The following OMA1 variants were observed in gnomAD, a reference collection of about 807,000 sequenced individuals.
OMA1 encodes OMA1 zinc metallopeptidase.
OMA1 carries 38 observed loss-of-function variants against 30.9 expected under a neutral mutation model. The ratio of observed to expected loss-of-function variants is 1.23; its 90% CI spans 0.95 to 1.61. The LOEUF (loss-of-function observed/expected upper bound fraction) is 1.61, where lower values mean the gene tolerates loss of function less well. Among genes scored for constraint, OMA1 ranks in the 40% most tolerant of loss-of-function variants. The pLI is 0.00. For synonymous variants in OMA1, 173 were observed against 121.9 expected (o/e 1.42, Z -2.76); for missense variants, 461 against 349.2 (o/e 1.32, Z -2.55).
chr1:58,541,108 G>A (rs865847510), intron 1 of OMA1, among the ~76,000 whole-genome samples: 3 of 4,412 alleles, frequency 6.8e-4, no homozygotes, highest in East Asian at 0.023. Flanking sequence ...TCAGGCATTC[G>A]AGGCGTGAAA....
chr1:58,508,762 G>T (rs1646028219), intron 7 of OMA1, among the ~76,000 whole-genome samples: 1 of 152,084 alleles, frequency 6.6e-6, no homozygotes, highest in African/African-American at 2.4e-5. Flanking sequence ...AAGCACACAA[G>T]CAGTTGCCAT....
At chr1:58,524,234 A>G (rs1557452938) in intron 7 of OMA1, among the ~76,000 whole-genome samples, 1 of 152,192 alleles carries the variant, frequency 6.6e-6, no homozygotes, top group East Asian at 1.9e-4. Flanking sequence ...ATCTGCATTA[A>G]AAACCTGTTC....
intron 8 of OMA1, among the ~76,000 whole-genome samples, chr1:58,496,341 T>A (rs1349858112): frequency 2.6e-5 from 4 of 152,220 alleles, no homozygotes; most frequent in Non-Finnish European, 4.4e-5. Flanking sequence ...AATGGATTTA[T>A]CTTACATTTG....
intron 8 of OMA1, among the ~76,000 whole-genome samples, chr1:58,495,884 C>T (rs141680560): frequency 1.2e-3 from 185 of 152,246 alleles, no homozygotes; most frequent in Middle Eastern, 6.8e-3. Context: ...GTCATTCTTA[C>T]TCTTGTATGC....
chr1:58,500,877 T>C (rs1259526966), intron 8 of OMA1, among the ~76,000 whole-genome samples: 1 of 152,224 alleles, frequency 6.6e-6, no homozygotes, highest in Non-Finnish European at 1.5e-5. Flanking sequence ...TATTCACATC[T>C]ATTCATATTT....
chr1:58,542,177 T>C (rs1230576792), intron 1 of OMA1, among the ~76,000 whole-genome samples: 1 of 152,246 alleles, frequency 6.6e-6, no homozygotes, highest in Non-Finnish European at 1.5e-5. Context: ...CTTTTTGAAA[T>C]ACAACCAATT....
intron 8 of OMA1, among the ~76,000 whole-genome samples, chr1:58,483,592 G>A (rs1204777863): frequency 6.6e-6 from 1 of 152,190 alleles, no homozygotes; most frequent in Non-Finnish European, 1.5e-5. Context: ...TATCTAGTGA[G>A]TGTTAAGTAA....
intron 7 of OMA1, among the ~76,000 whole-genome samples, chr1:58,517,144 T>A (rs367776029): frequency 4.9e-4 from 75 of 152,230 alleles, no homozygotes; most frequent in African/African-American, 1.5e-3. Context: ...ACAAAACAGA[T>A]TTGAAGAGGT....
At chr1:58,504,424 TTC>T (rs1645954518) in intron 8 of OMA1, among the ~76,000 whole-genome samples, 1 of 152,218 alleles carries the variant, frequency 6.6e-6, no homozygotes, top group Non-Finnish European at 1.5e-5. Flanking sequence ...TCCTTCCGGA[TTC>T]TGATTAGTGA....
At chr1:58,505,022 G>A (rs542845417) in intron 8 of OMA1, among the ~76,000 whole-genome samples, 13 of 151,836 alleles carry the variant, frequency 8.6e-5, no homozygotes, top group East Asian at 3.9e-4. Flanking sequence ...GCACGATCTC[G>A]GCTCACTACA....
chr1:58,511,007 T>G (rs1163718812), intron 7 of OMA1, among the ~76,000 whole-genome samples: 2 of 152,180 alleles, frequency 1.3e-5, no homozygotes, highest in African/African-American at 4.8e-5. Flanking sequence ...CATCCCATGT[T>G]CATGGATTGT....
chr1:58,502,067 T>C (rs1645915820), intron 8 of OMA1, among the ~76,000 whole-genome samples: 1 of 152,184 alleles, frequency 6.6e-6, no homozygotes, highest in Non-Finnish European at 1.5e-5. Flanking sequence ...GATAAATACT[T>C]GTTGAATGCA....
Position 58,506,316 on chromosome 1 carries a change from T to C in OMA1, c.1216-107A>G. The C allele has an allele frequency of 6.3e-6, 4 of 636,748 alleles. No homozygotes were observed. The South Asian group carries it at 9.2e-5, about 15-fold the overall frequency. The allele number at this position is 636,748 out of a possible 1,614,324, so 39.4% of individuals were successfully genotyped here. A position where few individuals can be genotyped will look rare whatever the true frequency, so the allele number is the denominator to read the frequency against. On this transcript the variant is annotated intron_variant, in intron 7 of 8. Transcript: ENST00000371226. ...TCTATTATAATTATACTTTAAGTTT[T>C]AGGGTACATGTGCACAACGTGCAGG...
rs1569933060 is a variant in OMA1, at chr1:58,517,233, C to A, written c.1215+10028G>T. ...GACTACTGAACCCAAAGTCCTGACCCCTATGCTAGACAAGGTGTAAAATCC... is the reference window on the plus strand; with the variant it reads ...GACTACTGAACCCAAAGTCCTGACCACTATGCTAGACAAGGTGTAAAATCC... On this transcript the variant is annotated intron_variant, in intron 7 of 8. Coordinates refer to ENST00000371226, the MANE Select transcript of OMA1 (RefSeq NM_145243.5). 2.0e-5 allele frequency among the ~76,000 whole-genome samples: 3 copies of A among 152,272 alleles called. No homozygotes were observed. The East Asian group carries it at 5.8e-4, about 29-fold the overall frequency.
chr1:58,489,253 A>T (rs899134642), intron 8 of OMA1, among the ~76,000 whole-genome samples: 13 of 152,158 alleles, frequency 8.5e-5, no homozygotes, highest in African/African-American at 2.7e-4. Context: ...CTAATACTGC[A>T]ATTTTCCGAC....
intron 7 of OMA1, among the ~76,000 whole-genome samples, chr1:58,514,554 T>C (rs879936211): frequency 2.0e-5 from 3 of 152,106 alleles, no homozygotes; most frequent in Non-Finnish European, 4.4e-5. Flanking sequence ...ATCTGAATCT[T>C]TTTTTAGGAA....
At chr1:58,541,591 T>G (rs569047767) in intron 1 of OMA1, 2 of 96,460 alleles carry the variant, frequency 2.1e-5, no homozygotes, top group South Asian at 7.5e-4. Context: ...CACTCCGGCG[T>G]GGGCAACAGA....
At chr1:58,513,267 G>C (rs952298524) in intron 7 of OMA1, among the ~76,000 whole-genome samples, 7 of 152,118 alleles carry the variant, frequency 4.6e-5, no homozygotes, top group Non-Finnish European at 8.8e-5. Context: ...AGACATACCT[G>C]CTTCCCCTTC....
At position 58,536,619 on chromosome 1, in the gene OMA1, A is replaced by G. The variant is rs552327271; in HGVS notation, c.623T>C (p.Val208Ala). 3.9e-5 allele frequency: 34 copies of G among 872,846 alleles called. No individual in the cohort carries two copies. In the East Asian group the frequency reaches 6.2e-4, roughly 16 times the overall value. 54.1% of individuals were successfully genotyped at this position (872,846 alleles called of 1,614,324 possible). ...TACTTCCAGGTGAGTAAAATAAAAC[A>G]CCACAAAGAGCAATCCAAAACTACT... is the stretch of plus-strand genomic sequence containing the variant. ...GLSSFGLLFV[V>A]FYFTHLEVSP... Residue 208 changes from valine (V) to alanine (A), a missense_variant, in exon 3 of 9, where the codon GTG becomes GCG. Transcript: ENST00000371226.
Sources: allele counts gnomAD v4.1 joint callset (sites outside exome capture counted in the v4.1 genomes callset), GRCh38; gene constraint gnomAD v4.1.1; transcripts MANE v1.5; gene names NCBI Gene and HGNC (gene_info 2026-07-23, HGNC 2026-07-21).